Variants in HYAL4 observed in about 807,000 individuals in gnomAD.
HYAL4 encodes hyaluronidase-4.
HYAL4 carries 37 observed loss-of-function variants against 35.2 expected under a neutral mutation model. That is an observed-to-expected ratio of 1.05 (90% CI 0.81 to 1.38). HYAL4 has a LOEUF of 1.38. Among genes scored for constraint, HYAL4 ranks in the 40% most tolerant of loss-of-function variants. The pLI is 0.00. For synonymous variants in HYAL4, 198 were observed against 203.2 expected (o/e 0.97, Z 0.22); for missense variants, 572 against 572.4 (o/e 1.00, Z 0.01).
chr7:123,776,952 A>T, the HYAL4 span, among the ~76,000 whole-genome samples: 1 of 152,230 alleles, frequency 6.6e-6, no homozygotes, highest in Non-Finnish European at 1.5e-5. Context: ...ACTACAGGCA[A>T]AATACCCCTG....
intron 1 of HYAL4, among the ~76,000 whole-genome samples, chr7:123,831,988 A>C (rs1353981359): frequency 6.6e-6 from 1 of 152,124 alleles, no homozygotes; most frequent in Non-Finnish European, 1.5e-5. Flanking sequence ...GGAAAGATCC[A>C]GATATATTCA....
the HYAL4 span, among the ~76,000 whole-genome samples, chr7:123,785,672 C>T: frequency 8.5e-5 from 13 of 152,194 alleles, no homozygotes; most frequent in Non-Finnish European, 1.8e-4. The surrounding 1 kb of genome is among the most constrained non-coding windows in gnomAD (Gnocchi z 4.5). Context: ...ATGTGCTGCA[C>T]TCTGCTGTAC....
the HYAL4 span, among the ~76,000 whole-genome samples, chr7:123,781,322 CTG>C: frequency 8.5e-6 from 1 of 118,218 alleles, no homozygotes; most frequent in East Asian, 2.3e-4. Context: ...TTTACATTGT[CTG>C]TGATGCAAAG....
chr7:123,766,088 A>G, the HYAL4 span, among the ~76,000 whole-genome samples: 1 of 151,950 alleles, frequency 6.6e-6, no homozygotes, highest in African/African-American at 2.4e-5. Context: ...TTGATTTCCC[A>G]CTTTCCCATT....
the HYAL4 span, among the ~76,000 whole-genome samples, chr7:123,807,990 G>A: frequency 6.7e-6 from 1 of 149,028 alleles, no homozygotes; most frequent in Non-Finnish European, 1.5e-5. Flanking sequence ...TCCCAGGATG[G>A]TCTCAACTTC....
chr7:123,819,184 G>A, the HYAL4 span, among the ~76,000 whole-genome samples: 2 of 152,066 alleles, frequency 1.3e-5, no homozygotes, highest in African/African-American at 2.4e-5. Flanking sequence ...GTGAGATCAC[G>A]CAGTATTTAC....
intron 1 of HYAL4, among the ~76,000 whole-genome samples, chr7:123,835,015 C>T (rs1717139199): frequency 6.6e-6 from 1 of 151,970 alleles, no homozygotes; most frequent in African/African-American, 2.4e-5. Context: ...TATCTATGCT[C>T]ATCAGTAATA....
intron 3 of HYAL4, among the ~76,000 whole-genome samples, chr7:123,870,492 A>G (rs1221384617): frequency 6.6e-6 from 1 of 152,156 alleles, no homozygotes; most frequent in Non-Finnish European, 1.5e-5. Flanking sequence ...GGCCGGGTGC[A>G]GTGGCTCACA....
intron 2 of HYAL4, among the ~76,000 whole-genome samples, chr7:123,862,227 A>C (rs1014087527): frequency 6.6e-6 from 1 of 152,174 alleles, no homozygotes; most frequent in Non-Finnish European, 1.5e-5. Flanking sequence ...CATCATTGGC[A>C]ACAAAATATC....
upstream of HYAL4, among the ~76,000 whole-genome samples, chr7:123,842,297 T>C (rs986761457): frequency 1.3e-5 from 2 of 152,070 alleles, no homozygotes; most frequent in Non-Finnish European, 2.9e-5. Context: ...TTCCATGTAG[T>C]AGTGCGGTTT....
At chr7:123,852,421 T>G (rs771840055) in intron 2 of HYAL4, among the ~76,000 whole-genome samples, 2 of 152,286 alleles carry the variant, frequency 1.3e-5, no homozygotes, top group African/African-American at 4.8e-5. Flanking sequence ...TTGTATAAGG[T>G]GTAAGGAAGG....
the HYAL4 span, among the ~76,000 whole-genome samples, chr7:123,782,077 C>T: frequency 7.0e-6 from 1 of 142,800 alleles, no homozygotes; most frequent in African/African-American, 2.6e-5. Context: ...GGCTAATATG[C>T]TTCCCCTGCC....
At chr7:123,769,220 C>A in the HYAL4 span, among the ~76,000 whole-genome samples, 3 of 152,116 alleles carry the variant, frequency 2.0e-5, no homozygotes, top group Admixed American at 6.5e-5. Flanking sequence ...GTTCAAGACA[C>A]AACGTAAGGC....
chr7:123,855,606 C>G (rs1806418595), intron 2 of HYAL4, among the ~76,000 whole-genome samples: 1 of 152,084 alleles, frequency 6.6e-6, no homozygotes, highest in African/African-American at 2.4e-5. Flanking sequence ...GGTAACCTGA[C>G]CTTTCTCTCT....
upstream of HYAL4, among the ~76,000 whole-genome samples, chr7:123,827,826 TG>T (rs1264866099): frequency 1.3e-5 from 2 of 152,168 alleles, no homozygotes; most frequent in Non-Finnish European, 2.9e-5. Context: ...TAAGCTTAAT[TG>T]GTTTTTAATT....
intron 1 of HYAL4, among the ~76,000 whole-genome samples, chr7:123,834,577 C>A (rs1230056294): frequency 1.3e-5 from 2 of 152,074 alleles, no homozygotes; most frequent in African/African-American, 4.8e-5. Context: ...TTATTTCTTT[C>A]TCTTGTCTGA....
the HYAL4 span, among the ~76,000 whole-genome samples, chr7:123,792,744 A>C: frequency 6.6e-6 from 1 of 152,176 alleles, no homozygotes; most frequent in Non-Finnish European, 1.5e-5. Context: ...TCTCATGATC[A>C]GAGACGTTTT....
At chr7:123,795,260 G>A in the HYAL4 span, among the ~76,000 whole-genome samples, 3 of 152,174 alleles carry the variant, frequency 2.0e-5, no homozygotes, top group Non-Finnish European at 4.4e-5. Context: ...TTAAGCAGAA[G>A]GGACTTGCTT....
intron 2 of HYAL4, among the ~76,000 whole-genome samples, chr7:123,852,964 T>G (rs1321048039): frequency 6.6e-6 from 1 of 152,176 alleles, no homozygotes; most frequent in African/African-American, 2.4e-5. Flanking sequence ...CCTTTGTAAA[T>G]TGGATTCCTA....
Sources: gnomAD v4.1 joint callset for allele counts (sites outside exome capture counted in the v4.1 genomes callset) on GRCh38, gnomAD v4.1.1 for gene constraint, Gnocchi (gnomAD v3.1) non-coding constraint, MANE v1.5 for transcripts, NCBI Gene and HGNC (gene_info 2026-07-23, HGNC 2026-07-21) for gene names.